Variants in CFAP74 observed in about 807,000 individuals in gnomAD.
CFAP74 encodes the protein cilia- and flagella-associated protein 74.
Under a neutral mutation model 188.9 loss-of-function variants are expected in CFAP74, and 124 were observed. The ratio of observed to expected loss-of-function variants is 0.66; its 90% CI spans 0.57 to 0.76. The LOEUF (loss-of-function observed/expected upper bound fraction) is 0.76, where lower values mean the gene tolerates loss of function less well. CFAP74 is among the 30% of genes least tolerant of loss of function. CFAP74 has a pLI of 0.00. For missense variants in CFAP74, 2,198 were observed against 2,165.2 expected, an observed-to-expected ratio of 1.02 and a Z score of -0.30; for synonymous variants, 956 against 916.7, an observed-to-expected ratio of 1.04 and a Z score of -0.77.
intron 6 of CFAP74, among the ~76,000 whole-genome samples, chr1:1,974,900 A>G (rs866700516): frequency 6.6e-6 from 1 of 152,232 alleles, no homozygotes; most frequent in Non-Finnish European, 1.5e-5. Flanking sequence ...AACAGCGGCC[A>G]GGTGAGAGCC....
intron 25 of CFAP74, among the ~76,000 whole-genome samples, chr1:1,937,681 C>T (rs1035572281): frequency 6.6e-6 from 1 of 152,168 alleles, no homozygotes; most frequent in African/African-American, 2.4e-5. Flanking sequence ...TGGAGACTGA[C>T]GGTCCCAGCA....
chr1:1,972,833 C>A, intron 8 of CFAP74, 104 bp downstream of exon 8: 1 of 830,376 alleles, frequency 1.2e-6, no homozygotes, highest in Non-Finnish European at 2.0e-6. Flanking sequence ...CAGAGCAAGG[C>A]TCCATCTTAA....
chr1:1,925,706 CA>C (rs1570812890), intron 33 of CFAP74, 76 bp downstream of exon 33: 1 of 1,511,066 alleles, frequency 6.6e-7, no homozygotes, highest in East Asian at 2.3e-5. Context: ...TCACTTTTGA[CA>C]GCTGGCCTGA....
chr1:1,970,976 CTGCACACACG>C (rs1483113200), intron 9 of CFAP74, among the ~76,000 whole-genome samples, 160 bp from the exon 10 acceptor site: 4 of 150,726 alleles, frequency 2.7e-5, no homozygotes, highest in Non-Finnish European at 4.4e-5. Flanking sequence ...ACATGCACAC[CTGCACACACG>C]TGCACACACA....
At position 1,985,458 on chromosome 1, in the gene CFAP74, C is replaced by G. The variant is rs1415144898; in HGVS notation, c.428G>C (p.Arg143Thr). The G allele has an allele frequency of 6.2e-7, 1 of 1,614,018 alleles. No homozygotes were observed. The highest frequency in any genetic ancestry group is 8.5e-7 in the Non-Finnish European group (1 of 1,180,034). The change falls in exon 6 of 39, where the codon AGA (arginine) becomes ACA (threonine). Residue 143 changes from arginine to threonine, a missense_variant. Coordinates refer to ENST00000682832, the MANE Select transcript of CFAP74 (RefSeq NM_001304360.2). The stretch of plus-strand genomic sequence containing the variant: ...GTTCTCCAGCTCTGCAAACAGGCGT[C>G]TGGACACGGCCTGGAGGCGGCCCAC... ...AAVGRLQAVS[R>T]RLFAELENER...
intron 18 of CFAP74, among the ~76,000 whole-genome samples, chr1:1,949,036 C>CTCCTTCCTTCCCTCCTT (rs764722671): frequency 1.0e-5 from 1 of 100,344 alleles, no homozygotes; most frequent in Non-Finnish European, 2.0e-5. Flanking sequence ...CTCTCCCTCC[C>CTCCTTCCTTCCCTCCTT]TCCTTCCTTC....
Position 1,964,989 on chromosome 1 carries a change from C to T in CFAP74, c.1474G>A (p.Val492Met). The change falls in exon 13 of 39, where the codon GTG becomes ATG. Residue 492 changes from valine to methionine, a missense_variant. Transcript: ENST00000682832. ...ACCACCCTGCTCCGCAGCCGCTCCA[C>T]CGTGCGCTCCAGGATGTCCTTGTCC... ...KMDKDILERT[V>M]ERLRSRVVHK... 6.2e-7 allele frequency: 1 copy of T among 1,614,002 alleles called. No individual in the cohort carries two copies. The highest frequency in any genetic ancestry group is 8.5e-7 in the Non-Finnish European group (1 of 1,179,944).
intron 12 of CFAP74, 124 bp from the exon 13 acceptor site, chr1:1,965,185 C>T: frequency 1.0e-6 from 1 of 954,660 alleles, no homozygotes; most frequent in Non-Finnish European, 1.5e-6. Context: ...CGGCTGCCAC[C>T]AGCGCTGGAG....
intron 27 of CFAP74, 70 bp from the exon 28 acceptor site, chr1:1,927,816 C>T (rs1652035567): frequency 6.7e-7 from 1 of 1,487,488 alleles, no homozygotes; most frequent in Non-Finnish European, 9.0e-7. Flanking sequence ...CCCGTGGCTC[C>T]TCTGCGGCCA....
At chr1:1,936,043 C>A (rs1652866520) in intron 25 of CFAP74, among the ~76,000 whole-genome samples, 1 of 151,262 alleles carries the variant, frequency 6.6e-6, no homozygotes, top group South Asian at 2.1e-4. Flanking sequence ...CGTGGAGAAA[C>A]CCTGTCACTA....
At chr1:1,961,414 A>C (rs192578304) in intron 14 of CFAP74, among the ~76,000 whole-genome samples, 181 of 152,332 alleles carry the variant, frequency 1.2e-3, no homozygotes, top group African/African-American at 4.2e-3. Context: ...CCTCCAAAAA[A>C]ACCAGCACCT....
In CFAP74 at chr1:1,922,734, TG is replaced by T. The variant is rs1557978178; in HGVS notation, c.4684-12del. 2 of 1,601,488 alleles carry T rather than the reference TG, an allele frequency of 1.2e-6. No individual in the cohort carries two copies. The highest frequency in any genetic ancestry group is 2.3e-5 in the East Asian group (1 of 44,300). ...GCTGAACTCAACGGTCTGTGGGGTA[TG>T]GGGCTCCTGTAGGCTGGCGACCAGG... On this transcript the variant is annotated splice_polypyrimidine_tract_variant and intron_variant, in intron 37 of 38. Coordinates refer to ENST00000682832, the MANE Select transcript of CFAP74 (RefSeq NM_001304360.2).
rs569616808 is a variant in CFAP74 at position 2,002,931 on chromosome 1, TATATAA to T, written c.-20+764_-20+769del. ...AATTTATATATCATCTTTAAAATTT[TATATAA>T]ATATAAAGTTTATATAAAGTTTAAA... On this transcript the variant is annotated intron_variant, in intron 1 of 38. Coordinates refer to ENST00000682832, the MANE Select transcript of CFAP74 (RefSeq NM_001304360.2). Among the ~76,000 whole-genome samples, 1,230 of 151,198 alleles carry T rather than the reference TATATAA, an allele frequency of 8.1e-3. 17 individuals are homozygous for T. Among genetic ancestry groups the T allele is most frequent in the African/African-American group, 0.028 (1,166 of 41,300 alleles).
rs985702555 is a variant in CFAP74, at chr1:1,971,968, G to T, written c.888+12C>A. On this transcript the variant is annotated intron_variant, in intron 9 of 38. Coordinates refer to ENST00000682832, the MANE Select transcript of CFAP74 (RefSeq NM_001304360.2). ...GCCAAGGGAGAGGCTGGGTGGGGCT[G>T]CGGGGGCCTACCCGGTTCGCGGAGA... 6.2e-7 allele frequency: 1 copy of T among 1,600,682 alleles called. No homozygotes were observed.
rs1030779594 is a variant in CFAP74, at chr1:1,973,839, G to A, written c.674+186C>T. ...GGGCTCTGGGCAGGTGCAGGGGAGT[G>A]CCTGACACTTGGGAAGGACTCAAGG... On this transcript the variant is annotated intron_variant, in intron 7 of 38. Transcript: ENST00000682832. The surrounding 1 kb of genome is among the most constrained non-coding windows in gnomAD (Gnocchi z 6.2). Among the ~76,000 whole-genome samples, 1 of 151,866 alleles carries A rather than the reference G, an allele frequency of 6.6e-6. No homozygotes were observed. The highest frequency in any genetic ancestry group is 2.4e-5 in the African/African-American group (1 of 41,330).
At chr1:1,925,414 T>C (rs1651805583) in intron 33 of CFAP74, among the ~76,000 whole-genome samples, 1 of 150,686 alleles carries the variant, frequency 6.6e-6, no homozygotes, top group African/African-American at 2.4e-5. Flanking sequence ...TGCAGAGGGC[T>C]GCAAACCCTT....
At chr1:1,960,865 C>T (rs1655037991) in intron 14 of CFAP74, among the ~76,000 whole-genome samples, 1 of 152,134 alleles carries the variant, frequency 6.6e-6, no homozygotes, top group Non-Finnish European at 1.5e-5. Context: ...GAGTGCAGGG[C>T]CGAGCTCCAA....
intron 18 of CFAP74, chr1:1,955,296 C>A (rs536745546): frequency 7.7e-7 from 1 of 1,297,298 alleles, no homozygotes; most frequent in Non-Finnish European, 1.0e-6. Flanking sequence ...AGGGCCCGCC[C>A]GTTTCTCGGC....
chr1:1,966,783 C>T (rs1025686967), intron 11 of CFAP74, among the ~76,000 whole-genome samples: 4 of 151,644 alleles, frequency 2.6e-5, no homozygotes, highest in African/African-American at 7.3e-5. Flanking sequence ...GGAAAATGTT[C>T]TAATTCACGG....
Sources: allele counts gnomAD v4.1 joint callset (sites outside exome capture counted in the v4.1 genomes callset), GRCh38; gene constraint gnomAD v4.1.1; non-coding constraint Gnocchi (gnomAD v3.1); transcripts MANE v1.5; gene names NCBI Gene and HGNC (gene_info 2026-07-23, HGNC 2026-07-21).